Variants in ASB18 observed in about 807,000 individuals in gnomAD.
The protein encoded by ASB18 is ankyrin repeat and SOCS box containing 18.
In ASB18, 33 loss-of-function variants were observed where a neutral mutation model predicts 33.4. The ratio of observed to expected loss-of-function variants is 0.99; its 90% CI spans 0.75 to 1.32. The LOEUF (loss-of-function observed/expected upper bound fraction) is 1.32. ASB18 is among the 40% of genes most tolerant of loss of function. The pLI is 0.00. For missense variants in ASB18, 694 were observed against 655.5 expected (o/e 1.06, Z -0.64); for synonymous variants, 295 against 307.6 (o/e 0.96, Z 0.43).
chr2:236,256,344 T>C lies in ASB18; in HGVS notation c.205+7797A>G, dbSNP rs1244610035. On this transcript the variant is annotated intron_variant, in intron 1 of 5. Transcript: ENST00000409749. This position sits in a 1 kb window ranked among gnomAD's most constrained non-coding sequence, Gnocchi z 4.7. The stretch of plus-strand genomic sequence containing the variant: ...GCCCGGCCCATAAGTATTTATTAGG[T>C]ACCTAGTATGTGCAGGATGTGGCAA... Among the ~76,000 whole-genome samples the C allele has an allele frequency of 6.6e-6, 1 of 152,126 alleles. No individual in the cohort carries two copies. Among genetic ancestry groups the C allele is most frequent in the Non-Finnish European group, 1.5e-5 (1 of 68,022 alleles).
At chr2:236,240,730 C>G (rs2060617433) in intron 2 of ASB18, among the ~76,000 whole-genome samples, 1 of 152,202 alleles carries the variant, frequency 6.6e-6, no homozygotes, top group South Asian at 2.1e-4. Flanking sequence ...CACCTGCAGA[C>G]ACGTATGAAG....
At position 236,200,737 on chromosome 2, in the gene ASB18, C is replaced by T. The variant is rs943455153; in HGVS notation, c.1102-4352G>A. ...TGGAAGGAAGAGATCTTCACTCTAT[C>T]GATGAATAAGCACCCTTTTCTCATT... is the stretch of plus-strand genomic sequence containing the variant. On this transcript the variant is annotated intron_variant, in intron 4 of 5. Transcript: ENST00000409749. The surrounding 1 kb of genome is among the most constrained non-coding windows in gnomAD (Gnocchi z 4.2). Among the ~76,000 whole-genome samples, 3 of 152,222 alleles carry T rather than the reference C, an allele frequency of 2.0e-5. No homozygotes were observed. The highest frequency in any genetic ancestry group is 2.9e-5 in the Non-Finnish European group (2 of 68,042).
Position 236,217,455 on chromosome 2 carries a change from G to T in ASB18, c.597-2589C>A, listed in dbSNP as rs559336421. ...AATCTTGGCACCTTCAACTCCTTGG[G>T]TGTAGAAATGGAGGCTTTGTTTATC... On this transcript the variant is annotated intron_variant, in intron 3 of 5. Transcript: ENST00000409749. The surrounding 1 kb of genome is among the most constrained non-coding windows in gnomAD (Gnocchi z 5.2). Among the ~76,000 whole-genome samples the T allele has an allele frequency of 6.6e-6, 1 of 151,862 alleles. No homozygotes were observed. Among genetic ancestry groups the T allele is most frequent in the African/African-American group, 2.4e-5 (1 of 41,346 alleles).
At position 236,204,459 on chromosome 2, in the gene ASB18, T is replaced by C. The variant is rs2060423342; in HGVS notation, c.1102-8074A>G. Reference sequence around the variant, plus strand: ...TCCCTGCATTCAGGCCTGTTCCTCTTTTCCGTTTACTCTCACTTGCTGGTG... The same window carrying C: ...TCCCTGCATTCAGGCCTGTTCCTCTCTTCCGTTTACTCTCACTTGCTGGTG... On this transcript the variant is annotated intron_variant, in intron 4 of 5. Coordinates refer to ENST00000409749, the MANE Select transcript of ASB18 (RefSeq NM_212556.4). This position sits in a 1 kb window ranked among gnomAD's most constrained non-coding sequence, Gnocchi z 5.1. Among the ~76,000 whole-genome samples the C allele has an allele frequency of 6.6e-6, 1 of 152,208 alleles. No homozygotes were observed. The highest frequency in any genetic ancestry group is 2.4e-5 in the African/African-American group (1 of 41,450).
rs370939201 is a variant in ASB18, at chr2:236,222,434, G to A, written c.597-7568C>T. On this transcript the variant is annotated intron_variant, in intron 3 of 5. Transcript: ENST00000409749. The surrounding 1 kb of genome is among the most constrained non-coding windows in gnomAD (Gnocchi z 5.5). ...GAAGTGTGGGATGATTGCAGTGGAT[G>A]ATGATATTTTGGGCAAATTCTCTCC... is the stretch of plus-strand genomic sequence containing the variant. Among the ~76,000 whole-genome samples, 4 of 152,168 alleles carry A rather than the reference G, an allele frequency of 2.6e-5. No homozygotes were observed. In the East Asian group the frequency reaches 7.7e-4, roughly 29 times the overall value.
At chr2:236,243,671 A>T (rs562255768) in intron 1 of ASB18, among the ~76,000 whole-genome samples, 2 of 130,762 alleles carry the variant, frequency 1.5e-5, no homozygotes, top group Admixed American at 8.2e-5. Context: ...CTTGCTGAAG[A>T]TGAGTAATGC....
Position 236,217,498 on chromosome 2 carries a change from A to G in ASB18, c.597-2632T>C, listed in dbSNP as rs925330868. On this transcript the variant is annotated intron_variant, in intron 3 of 5. Coordinates refer to ENST00000409749, the MANE Select transcript of ASB18 (RefSeq NM_212556.4). This position sits in a 1 kb window ranked among gnomAD's most constrained non-coding sequence, Gnocchi z 5.2. ...TGTTTATCTCTGATTCCCAGTGCCT[A>G]TCATAGTGCCTATCACACTATTGGT... 1.3e-5 allele frequency among the ~76,000 whole-genome samples: 2 copies of G among 152,154 alleles called. No individual in the cohort carries two copies. Among genetic ancestry groups the G allele is most frequent in the South Asian group, 2.1e-4 (1 of 4,836 alleles).
intron 1 of ASB18, among the ~76,000 whole-genome samples, chr2:236,258,641 T>C (rs28373664): frequency 0.055 from 8,316 of 152,272 alleles, 821 homozygotes; most frequent in African/African-American, 0.19. Flanking sequence ...GCAGGGGATA[T>C]GGCCCATGTG....
Position 236,241,046 on chromosome 2 carries a change from C to T in ASB18, c.328+234G>A, listed in dbSNP as rs528557013. On this transcript the variant is annotated intron_variant, in intron 2 of 5. Transcript: ENST00000409749. This position sits in a 1 kb window ranked among gnomAD's most constrained non-coding sequence, Gnocchi z 4.2. ...TTGTAAAGACAAGAGGCACACCCAG[C>T]GTCATCGGATAGGCATTCCCACCAA... is the stretch of plus-strand genomic sequence containing the variant. 3.3e-5 allele frequency among the ~76,000 whole-genome samples: 5 copies of T among 152,316 alleles called. No homozygotes were observed. Among genetic ancestry groups the T allele is most frequent in the Admixed American group, 2.6e-4 (4 of 15,308 alleles).
intron 1 of ASB18, among the ~76,000 whole-genome samples, chr2:236,254,600 T>C (rs1205504455): frequency 6.6e-6 from 1 of 152,124 alleles, no homozygotes. Context: ...TTAAACCTTT[T>C]ATTTTGTCCC....
Position 236,239,453 on chromosome 2 carries a change from C to T in ASB18, c.329-1497G>A, listed in dbSNP as rs1298145792. 1.3e-5 allele frequency among the ~76,000 whole-genome samples: 2 copies of T among 151,262 alleles called. No individual in the cohort carries two copies. Among genetic ancestry groups the T allele is most frequent in the African/African-American group, 4.9e-5 (2 of 41,170 alleles). On this transcript the variant is annotated intron_variant, in intron 2 of 5. Coordinates refer to ENST00000409749, the MANE Select transcript of ASB18 (RefSeq NM_212556.4). This position sits in a 1 kb window ranked among gnomAD's most constrained non-coding sequence, Gnocchi z 5.6. ...GGAAGTCTGAATCAGCTTTCTGTAACTCCCGCCCTCTGGTCCCAGTTCTGC... is the reference window on the plus strand; with the variant it reads ...GGAAGTCTGAATCAGCTTTCTGTAATTCCCGCCCTCTGGTCCCAGTTCTGC...
chr2:236,256,324 GC>G lies in ASB18; in HGVS notation c.205+7816del, dbSNP rs1027635550. ...TTACAGGCATGAACCACCATGCCCGGCCCATAAGTATTTATTAGGTACCTAG... is the reference window on the plus strand; with the variant it reads ...TTACAGGCATGAACCACCATGCCCGGCCATAAGTATTTATTAGGTACCTAG... On this transcript the variant is annotated intron_variant, in intron 1 of 5. Coordinates refer to ENST00000409749, the MANE Select transcript of ASB18 (RefSeq NM_212556.4). This position sits in a 1 kb window ranked among gnomAD's most constrained non-coding sequence, Gnocchi z 4.7. Among the ~76,000 whole-genome samples, 2 of 152,142 alleles carry G rather than the reference GC, an allele frequency of 1.3e-5. No homozygotes were observed. Among genetic ancestry groups the G allele is most frequent in the African/African-American group, 2.4e-5 (1 of 41,430 alleles).
rs772526346 is a variant in ASB18, at chr2:236,264,270, C to G, written c.76G>C (p.Ala26Pro). The change falls in exon 1 of 6, where the codon GCC (alanine) becomes CCC (proline). Residue 26 changes from alanine (A) to proline (P), a missense_variant. Physicochemically the swap from Ala to Pro is conservative, Grantham distance 27. Coordinates refer to ENST00000409749, the MANE Select transcript of ASB18 (RefSeq NM_212556.4). The surrounding 1 kb of genome is among the most constrained non-coding windows in gnomAD (Gnocchi z 5.1). ...LVKRLKSALD[A>P]KDEERVRDLI... ...TCCCTCACTCTCTCCTCATCTTTGG[C>G]ATCCAGGGCAGACTTTAATCTCTTC... is the stretch of plus-strand genomic sequence containing the variant. The G allele has an allele frequency of 2.9e-5, 46 of 1,613,876 alleles. No individual in the cohort carries two copies. In the South Asian group the frequency reaches 4.9e-4, roughly 17 times the overall value.
chr2:236,201,083 C>T (rs2060398822), intron 4 of ASB18, among the ~76,000 whole-genome samples: 2 of 152,058 alleles, frequency 1.3e-5, no homozygotes. Context: ...AGGGTCATAG[C>T]CAAGAGTTTT....
intron 1 of ASB18, among the ~76,000 whole-genome samples, chr2:236,254,556 C>T (rs184323919): frequency 6.8e-6 from 1 of 147,480 alleles, no homozygotes; most frequent in Non-Finnish European, 1.5e-5. Context: ...TGTTATTATT[C>T]TTCTCTTCTC....
chr2:236,227,128 C>CA (rs2060544671), intron 3 of ASB18, among the ~76,000 whole-genome samples: 1 of 152,084 alleles, frequency 6.6e-6, no homozygotes, highest in African/African-American at 2.4e-5. Flanking sequence ...TATAGCCATG[C>CA]ATTTTGGCAA....
rs2060597584 is a variant in ASB18, at chr2:236,237,354, CGCGGGGCGGGGGCCGGGGCCG to C, written c.596+314_596+334del. On this transcript the variant is annotated intron_variant, in intron 3 of 5. Coordinates refer to ENST00000409749, the MANE Select transcript of ASB18 (RefSeq NM_212556.4). The surrounding 1 kb of genome is among the most constrained non-coding windows in gnomAD (Gnocchi z 6.2). ...AAACCCGCGGGGGCCGGGGCCGGGGCGCGGGGCGGGGGCCGGGGCCGGGGCGCGGGGCGGGGGCCGGGGCCG... is the reference window on the plus strand; with the variant it reads ...AAACCCGCGGGGGCCGGGGCCGGGGCGGGCGCGGGGCGGGGGCCGGGGCCG... 2.2e-5 allele frequency among the ~76,000 whole-genome samples: 1 copy of C among 45,424 alleles called. No individual in the cohort carries two copies. Among genetic ancestry groups the C allele is most frequent in the South Asian group, 8.3e-4 (1 of 1,198 alleles). 29.8% of individuals were successfully genotyped at this position (45,424 alleles called of 152,430 possible).
rs547910390 is a variant in ASB18 at position 236,262,073 on chromosome 2, T to C, written c.205+2068A>G. Among the ~76,000 whole-genome samples the C allele has an allele frequency of 2.6e-4, 39 of 152,344 alleles. No individual in the cohort carries two copies. The highest frequency in any genetic ancestry group is 8.9e-4 in the African/African-American group (37 of 41,580). On this transcript the variant is annotated intron_variant, in intron 1 of 5. Coordinates refer to ENST00000409749, the MANE Select transcript of ASB18 (RefSeq NM_212556.4). This position sits in a 1 kb window ranked among gnomAD's most constrained non-coding sequence, Gnocchi z 5.2. ...ATGTAATTTATAACTGTGGAAGGAATGTAACTTTCTTATAACAATTTTCAT... is the reference window on the plus strand; with the variant it reads ...ATGTAATTTATAACTGTGGAAGGAACGTAACTTTCTTATAACAATTTTCAT...
chr2:236,199,039 A>G (rs2060386960), intron 4 of ASB18, among the ~76,000 whole-genome samples: 1 of 152,236 alleles, frequency 6.6e-6, no homozygotes, highest in Admixed American at 6.5e-5. Flanking sequence ...AGTTAAGAAA[A>G]TATCTTTCTA....
Sources: gnomAD v4.1 joint callset for allele counts (sites outside exome capture counted in the v4.1 genomes callset) on GRCh38, gnomAD v4.1.1 for gene constraint, Gnocchi (gnomAD v3.1) non-coding constraint, MANE v1.5 for transcripts, NCBI Gene and HGNC (gene_info 2026-07-23, HGNC 2026-07-21) for gene names.